Variants in HERC1 observed in about 807,000 individuals in gnomAD.
The protein encoded by HERC1 is probable E3 ubiquitin-protein ligase HERC1.
In HERC1, 160 loss-of-function variants were observed where a neutral mutation model predicts 554.3. That is an observed-to-expected ratio of 0.29 (90% confidence interval 0.25 to 0.33). HERC1 has a LOEUF of 0.33. Among genes scored for constraint, HERC1 ranks in the 10% least tolerant of loss-of-function variants. The probability of loss-of-function intolerance (pLI) is 1.00; values close to 1 mark genes in which losing one functional copy is unlikely to be tolerated. For missense variants in HERC1, 4,919 were observed against 5,918.5 expected (o/e 0.83, Z 5.54); for synonymous variants, 2,175 against 2,131.7 (o/e 1.02, Z -0.56).
At chr15:63,656,936 T>C (rs1239741262) in intron 48 of HERC1, among the ~76,000 whole-genome samples, 2 of 152,198 alleles carry the variant, frequency 1.3e-5, no homozygotes, top group African/African-American at 4.8e-5. Flanking sequence ...CATTTATCCC[T>C]ACAGATGACA....
chr15:63,687,588 T>C (rs1370806034), intron 33 of HERC1, among the ~76,000 whole-genome samples: 4 of 152,128 alleles, frequency 2.6e-5, no homozygotes, highest in Non-Finnish European at 5.9e-5. Context: ...TCATTCAATG[T>C]GCATTTATTA....
chr15:63,701,949 T>G (rs1049243660), intron 25 of HERC1, among the ~76,000 whole-genome samples: 4 of 152,202 alleles, frequency 2.6e-5, no homozygotes, highest in Admixed American at 2.0e-4. Context: ...TTCTTAATAC[T>G]AATTCAGAAT....
chr15:63,729,210 A>C (rs1199673773), intron 16 of HERC1, 26 bp downstream of exon 16: 4 of 1,578,830 alleles, frequency 2.5e-6, no homozygotes, highest in African/African-American at 1.4e-5. Flanking sequence ...TGACTGATTA[A>C]ATTTGAAATG....
Position 63,648,162 on chromosome 15 carries a change from T to A in HERC1, c.10785A>T (p.Arg3595Ser). Residue 3595 changes from arginine (R) to serine (S), a missense_variant, in exon 55 of 78, where the codon AGA becomes AGT. By Grantham distance (110) the Arg-to-Ser change is moderately radical. Transcript: ENST00000443617. Reference protein sequence around the residue: ...VTCIAWFSEDRPFAVGYFDGK... With the variant: ...VTCIAWFSEDSPFAVGYFDGK... The stretch of plus-strand genomic sequence containing the variant: ...CATCAAAATATCCCACTGCAAATGG[T>A]CTGTCTTCACTGAACCATGCAATGC... 1 of 1,601,668 alleles carries A rather than the reference T, an allele frequency of 6.2e-7. No individual in the cohort carries two copies. Among genetic ancestry groups the A allele is most frequent in the Non-Finnish European group, 8.5e-7 (1 of 1,173,184 alleles).
chr15:63,623,944 A>T, intron 72 of HERC1, 54 bp from the exon 73 acceptor site: 1 of 1,572,062 alleles, frequency 6.4e-7, no homozygotes, highest in Non-Finnish European at 8.7e-7. Flanking sequence ...ATTTCCCCAA[A>T]ATCACATGAT....
In HERC1 at chr15:63,649,890, C is replaced by T. The variant is rs2152882621; in HGVS notation, c.10582G>A (p.Val3528Ile). The T allele has an allele frequency of 6.2e-7, 1 of 1,611,182 alleles. No individual in the cohort carries two copies. The highest frequency in any genetic ancestry group is 2.2e-5 in the East Asian group (1 of 44,782). ...TCTTCTGGCCAAGCCAGGGCAGATA[C>T]CCAATGAGGCTGAATATCTACTAAT... The part of the protein sequence containing the change: ...KGLVDIQPHW[V>I]SALAWPEEGP... The change falls in exon 54 of 78, where the codon GTA (valine) becomes ATA (isoleucine). Residue 3528 changes from valine (V) to isoleucine (I), a missense_variant. Transcript: ENST00000443617.
At chr15:63,628,988 T>C (rs535678590) in intron 69 of HERC1, among the ~76,000 whole-genome samples, 173 bp from the exon 70 acceptor site, 2 of 152,026 alleles carry the variant, frequency 1.3e-5, no homozygotes, top group South Asian at 4.2e-4. Context: ...TCTTGCTCTG[T>C]TGTCCAGGCT....
At chr15:63,611,918 C>T (rs895173739) in intron 77 of HERC1, among the ~76,000 whole-genome samples, 1 of 152,242 alleles carries the variant, frequency 6.6e-6, no homozygotes, top group African/African-American at 2.4e-5. Flanking sequence ...GGCGTGTTGG[C>T]TCACGCCTGT....
chr15:63,797,287 C>T (rs1272621132), intron 1 of HERC1, among the ~76,000 whole-genome samples: 1 of 152,188 alleles, frequency 6.6e-6, no homozygotes, highest in African/African-American at 2.4e-5. Flanking sequence ...CTAGAGGTCA[C>T]AAGACAAGTA....
intron 12 of HERC1, among the ~76,000 whole-genome samples, chr15:63,741,509 C>T (rs2074805196): frequency 6.6e-6 from 1 of 152,018 alleles, no homozygotes; most frequent in Non-Finnish European, 1.5e-5. Flanking sequence ...TACGGGGTTT[C>T]ACCATGTTAG....
chr15:63,706,900 G>C (rs995798037), intron 24 of HERC1, 69 bp from the exon 25 acceptor site: 3 of 997,284 alleles, frequency 3.0e-6, no homozygotes, highest in Non-Finnish European at 4.5e-6. Flanking sequence ...AGATTTAATA[G>C]AGTATTAGAA....
intron 45 of HERC1, 124 bp downstream of exon 45, chr15:63,661,629 G>GT: frequency 1.0e-6 from 1 of 1,004,858 alleles, no homozygotes; most frequent in Non-Finnish European, 1.5e-6. Context: ...TGCCCAAAGT[G>GT]TAAGAATCAC....
Position 63,764,107 on chromosome 15 carries a change from G to C in HERC1, c.1015C>G (p.Leu339Val), listed in dbSNP as rs775757145. Reference sequence around the variant, plus strand: ...CGATTATTACGTACCTCTTCAAAGAGACATAATGCTGCCTCGTAAAGGGAG... The same window carrying C: ...CGATTATTACGTACCTCTTCAAAGACACATAATGCTGCCTCGTAAAGGGAG... ...LCSLYEAALC[L>V]FEEVCRMASD... The change falls in exon 3 of 78, where the codon CTC becomes GTC. Residue 339 changes from leucine (L) to valine (V), a missense_variant. Leu to Val is a conservative substitution (Grantham distance 32, BLOSUM62 1). Coordinates refer to ENST00000443617, the MANE Select transcript of HERC1 (RefSeq NM_003922.4). The C allele has an allele frequency of 2.5e-6, 4 of 1,606,144 alleles. No homozygotes were observed. In the Admixed American group the frequency reaches 6.8e-5, roughly 27 times the overall value.
intron 12 of HERC1, among the ~76,000 whole-genome samples, chr15:63,737,715 C>T (rs1020152897): frequency 6.6e-6 from 1 of 150,954 alleles, no homozygotes; most frequent in South Asian, 2.1e-4. Flanking sequence ...TATGACTTTC[C>T]CCACATCAGT....
intron 6 of HERC1, among the ~76,000 whole-genome samples, chr15:63,754,926 A>G (rs2075371381): frequency 6.6e-6 from 1 of 152,046 alleles, no homozygotes; most frequent in African/African-American, 2.4e-5. Flanking sequence ...GCTCATGTTG[A>G]CTTGTTTTCA....
intron 15 of HERC1, 61 bp from the exon 16 acceptor site, chr15:63,729,429 T>C (rs2074182791): frequency 6.3e-6 from 10 of 1,594,340 alleles, no homozygotes; most frequent in Non-Finnish European, 1.7e-6. Context: ...AAAAATATCA[T>C]GGCCTATCCA....
intron 33 of HERC1, among the ~76,000 whole-genome samples, chr15:63,686,786 A>G (rs2071787090): frequency 1.3e-5 from 2 of 152,236 alleles, no homozygotes; most frequent in Non-Finnish European, 2.9e-5. Context: ...TCAAAATTAC[A>G]TAATAGGTAT....
intron 39 of HERC1, among the ~76,000 whole-genome samples, chr15:63,672,118 C>T (rs1394523255): frequency 1.3e-5 from 2 of 151,586 alleles, no homozygotes; most frequent in South Asian, 2.1e-4. Flanking sequence ...ATGAAAACAA[C>T]CTGAGAAGAG....
At chr15:63,739,988 G>A (rs566989469) in intron 12 of HERC1, among the ~76,000 whole-genome samples, 58 of 151,684 alleles carry the variant, frequency 3.8e-4, no homozygotes, top group Admixed American at 3.5e-3. Flanking sequence ...TCAGCTCACC[G>A]CAACCTCTGC....
Sources: allele counts gnomAD v4.1 joint callset (sites outside exome capture counted in the v4.1 genomes callset), GRCh38; gene constraint gnomAD v4.1.1; transcripts MANE v1.5; gene names NCBI Gene and HGNC (gene_info 2026-07-23, HGNC 2026-07-21).